SLC16A5: variants seen among roughly 807,000 people sequenced by gnomAD.
SLC16A5 encodes the protein monocarboxylate transporter 6.
Under a neutral mutation model 33.2 loss-of-function variants are expected in SLC16A5, and 29 were observed. That is an observed-to-expected ratio of 0.87 (90% confidence interval 0.65 to 1.19). The LOEUF is 1.19. Among genes scored for constraint, SLC16A5 ranks in the 50% most tolerant of loss-of-function variants. The probability of loss-of-function intolerance (pLI) is 0.00; values close to 1 mark genes in which losing one functional copy is unlikely to be tolerated. For missense variants in SLC16A5, 606 were observed against 678.2 expected (o/e 0.89, Z 1.18); for synonymous variants, 248 against 284.1 (o/e 0.87, Z 1.28).
At chr17:75,104,845 G>A in intron 6 of SLC16A5, 1 of 985,430 alleles carries the variant, frequency 1.0e-6, no homozygotes, top group Non-Finnish European at 1.2e-6. Flanking sequence ...AGGAACCTGG[G>A]TCTGAGCCCT....
At chr17:75,103,355 A>C (rs1446260845) in intron 5 of SLC16A5, among the ~76,000 whole-genome samples, 1 of 130,378 alleles carries the variant, frequency 7.7e-6, no homozygotes, top group Admixed American at 8.2e-5. Context: ...TTTTTAATGG[A>C]GTCTCACTCT....
downstream of SLC16A5, among the ~76,000 whole-genome samples, chr17:75,108,792 C>T (rs560762448): frequency 3.3e-5 from 5 of 152,258 alleles, no homozygotes; most frequent in South Asian, 2.1e-4. Flanking sequence ...GTTGGACAAG[C>T]GGTTGCTGGG....
At chr17:75,102,473 CAAAG>C (rs1298685574) in intron 5 of SLC16A5, among the ~76,000 whole-genome samples, 3 of 152,164 alleles carry the variant, frequency 2.0e-5, no homozygotes, top group African/African-American at 4.8e-5. Context: ...GGAGTGAAAA[CAAAG>C]AGACACATCA....
intron 3 of SLC16A5, among the ~76,000 whole-genome samples, chr17:75,094,719 A>AT (rs1464260227): frequency 6.7e-6 from 1 of 148,446 alleles, no homozygotes; most frequent in Non-Finnish European, 1.5e-5. Flanking sequence ...CAAGAGGGGG[A>AT]CAAGGCAGGA....
At chr17:75,091,161 G>GCTT (rs2073632631) in intron 2 of SLC16A5, among the ~76,000 whole-genome samples, 1 of 152,166 alleles carries the variant, frequency 6.6e-6, no homozygotes, top group Admixed American at 6.6e-5. Context: ...GAAGGCTGTG[G>GCTT]CCTTTCCGGG....
chr17:75,107,027 A>G (rs1480010169), downstream of SLC16A5, among the ~76,000 whole-genome samples: 1 of 152,070 alleles, frequency 6.6e-6, no homozygotes, highest in African/African-American at 2.4e-5. Flanking sequence ...GGAAAAAAAA[A>G]AAGCCAAGTG....
intron 6 of SLC16A5, chr17:75,105,204 G>T: frequency 1.0e-6 from 1 of 985,444 alleles, no homozygotes; most frequent in Non-Finnish European, 1.2e-6. Flanking sequence ...CCCTGGCTTG[G>T]ATCCTAGAAT....
downstream of SLC16A5, among the ~76,000 whole-genome samples, chr17:75,109,284 A>G (rs1227810604): frequency 1.3e-5 from 2 of 152,164 alleles, no homozygotes; most frequent in Non-Finnish European, 2.9e-5. This position sits in a 1 kb window ranked among gnomAD's most constrained non-coding sequence, Gnocchi z 5.0. Context: ...GCACCAGGAC[A>G]TGACCCAGTA....
At chr17:75,104,240 G>A in intron 6 of SLC16A5, 60 bp downstream of exon 6, 1 of 1,583,922 alleles carries the variant, frequency 6.3e-7, no homozygotes, top group South Asian at 1.1e-5. Flanking sequence ...TGAGTCCTGG[G>A]ATCACTGAGT....
Position 75,098,054 on chromosome 17 carries a change from C to A in SLC16A5, c.216C>A (p.Ile72=). 1 of 1,604,240 alleles carries A rather than the reference C, an allele frequency of 6.2e-7. No homozygotes were observed. The highest frequency in any genetic ancestry group is 8.5e-7 in the Non-Finnish European group (1 of 1,176,568). The change falls in exon 4 of 7, where the codon ATC becomes ATA. Residue 72 remains isoleucine (I), a synonymous_variant. Coordinates refer to ENST00000329783, the MANE Select transcript of SLC16A5 (RefSeq NM_004695.4). ...CTCCCACAGGGCCCCTGTGCAGCAT[C>A]CTGGTGGGACGCTTCGGCTGCCGAG... is the stretch of plus-strand genomic sequence containing the variant. ...VLHMAGPLCS[I]LVGRFGCRVT... is the part of the protein sequence containing the mutation.
Position 75,098,084 on chromosome 17 carries a change from C to T in SLC16A5, c.246C>T (p.Thr82=), listed in dbSNP as rs142215852. The T allele has an allele frequency of 2.1e-5, 34 of 1,609,222 alleles. No individual in the cohort carries two copies. In the East Asian group the frequency reaches 4.1e-4, roughly 19 times the overall value. Residue 82 remains threonine (T), a synonymous_variant, in exon 4 of 7, where the codon ACC becomes ACT. Transcript: ENST00000329783. ...TGGGACGCTTCGGCTGCCGAGTGAC[C>T]GTGATGCTGGGGGGCGTGCTGGCCA... is the stretch of plus-strand genomic sequence containing the variant. The part of the protein sequence containing the change: ...ILVGRFGCRV[T]VMLGGVLASL...
At position 75,091,351 on chromosome 17, in the gene SLC16A5, G is replaced by A. The variant is rs528842896; in HGVS notation, c.-49+2047G>A. Among the ~76,000 whole-genome samples the A allele has an allele frequency of 3.9e-4, 60 of 152,314 alleles. 1 individual carries two copies. Among genetic ancestry groups the A allele is most frequent in the African/African-American group, 1.4e-3 (58 of 41,582 alleles). Reference sequence around the variant, plus strand: ...AGGCCAGGGCTAGTTTGCTGGAGAAGCCCCATCTGCGATATTGCCTGGCCT... The same window carrying A: ...AGGCCAGGGCTAGTTTGCTGGAGAAACCCCATCTGCGATATTGCCTGGCCT... On this transcript the variant is annotated intron_variant, in intron 2 of 6. Coordinates refer to ENST00000329783, the MANE Select transcript of SLC16A5 (RefSeq NM_004695.4).
chr17:75,099,742 T>C (rs530917159), intron 4 of SLC16A5, among the ~76,000 whole-genome samples: 4 of 152,024 alleles, frequency 2.6e-5, no homozygotes, highest in Non-Finnish European at 4.4e-5. Flanking sequence ...CTCGGCCCAA[T>C]TTGGGTTTTT....
intron 3 of SLC16A5, 72 bp from the exon 4 acceptor site, chr17:75,097,964 CCT>C (rs2073741518): frequency 1.1e-5 from 16 of 1,495,756 alleles, no homozygotes; most frequent in African/African-American, 1.5e-5. Flanking sequence ...CTGGAACTGC[CCT>C]CTCCAGCCAC....
intron 3 of SLC16A5, among the ~76,000 whole-genome samples, chr17:75,095,566 C>T (rs2073706475): frequency 6.6e-6 from 1 of 152,294 alleles, no homozygotes; most frequent in East Asian, 1.9e-4. Flanking sequence ...GGCATGATCA[C>T]AGCCTATTGC....
At chr17:75,106,591 T>TA (rs1239388528), downstream of SLC16A5, among the ~76,000 whole-genome samples, 402 of 88,418 alleles carry the variant, frequency 4.5e-3, 3 homozygotes, top group African/African-American at 0.018. Flanking sequence ...TGTCTTTTTT[T>TA]TAAAAAAAAA....
chr17:75,100,833 G>C lies in SLC16A5; in HGVS notation c.1153+17G>C. ...CACTGGCCGGTGAGGAGCTGGGAGG[G>C]AGGGCAGCCAGATAGTGTGGTAAAA... On this transcript the variant is annotated intron_variant, in intron 5 of 6. Coordinates refer to ENST00000329783, the MANE Select transcript of SLC16A5 (RefSeq NM_004695.4). 6.4e-7 allele frequency: 1 copy of C among 1,556,094 alleles called. No individual in the cohort carries two copies. Among genetic ancestry groups the C allele is most frequent in the Non-Finnish European group, 8.7e-7 (1 of 1,146,286 alleles).
intron 6 of SLC16A5, chr17:75,105,571 T>C (rs959143446): frequency 1.0e-6 from 1 of 985,394 alleles, no homozygotes; most frequent in Non-Finnish European, 1.2e-6. Context: ...ACACACATCT[T>C]GCTGGTGCCT....
chr17:75,100,957 A>G (rs562148033), intron 5 of SLC16A5, 141 bp downstream of exon 5: 1 of 911,820 alleles, frequency 1.1e-6, no homozygotes, highest in Admixed American at 2.9e-5. Flanking sequence ...ACAGTTAAAA[A>G]CATGGGTTTG....
Sources: allele counts gnomAD v4.1 joint callset (sites outside exome capture counted in the v4.1 genomes callset), GRCh38; gene constraint gnomAD v4.1.1; non-coding constraint Gnocchi (gnomAD v3.1); transcripts MANE v1.5; gene names NCBI Gene and HGNC (gene_info 2026-07-23, HGNC 2026-07-21).